Variants in UBASH3B observed in about 807,000 individuals in gnomAD.
The protein encoded by UBASH3B is ubiquitin associated and SH3 domain containing B.
A neutral mutation model predicts 83.4 loss-of-function variants in UBASH3B; 37 were observed. That is an observed-to-expected ratio of 0.44 (90% CI 0.34 to 0.58). The LOEUF is 0.58. UBASH3B is among the 20% of genes least tolerant of loss of function. The pLI is 0.01. For missense variants in UBASH3B, 657 were observed against 827.2 expected, an observed-to-expected ratio of 0.79 and a Z score of 2.52; for synonymous variants, 304 against 318.3, an observed-to-expected ratio of 0.96 and a Z score of 0.48.
At chr11:122,777,684 A>G (rs1327747282) in intron 3 of UBASH3B, among the ~76,000 whole-genome samples, 2 of 152,024 alleles carry the variant, frequency 1.3e-5, no homozygotes, top group Non-Finnish European at 2.9e-5. Flanking sequence ...ATTGTTACCT[A>G]GTGTATAATC....
intron 6 of UBASH3B, among the ~76,000 whole-genome samples, chr11:122,793,188 G>C (rs1224352848): frequency 6.6e-6 from 1 of 152,164 alleles, no homozygotes; most frequent in African/African-American, 2.4e-5. Context: ...TTTGAGACCA[G>C]CCTGGCCAAC....
intron 1 of UBASH3B, among the ~76,000 whole-genome samples, chr11:122,661,642 T>A (rs1000922559): frequency 7.2e-5 from 11 of 152,208 alleles, no homozygotes; most frequent in African/African-American, 2.7e-4. Flanking sequence ...TATTATACAC[T>A]GTAAAAATTG....
At chr11:122,656,255 G>T in intron 1 of UBASH3B, 45 bp downstream of exon 1, 1 of 1,354,444 alleles carries the variant, frequency 7.4e-7, no homozygotes. Flanking sequence ...TCCCGCGCGC[G>T]CGGCCGGCCC....
chr11:122,675,776 A>G (rs1003426524), intron 1 of UBASH3B, among the ~76,000 whole-genome samples: 2 of 152,144 alleles, frequency 1.3e-5, no homozygotes. Context: ...ATCACAAAAC[A>G]AGGAGGCACC....
At position 122,798,990 on chromosome 11, in the gene UBASH3B, C is replaced by G. The variant is rs1215389021; in HGVS notation, c.1406C>G (p.Ser469Cys). 1 of 1,614,052 alleles carries G rather than the reference C, an allele frequency of 6.2e-7. No homozygotes were observed. Among genetic ancestry groups the G allele is most frequent in the Non-Finnish European group, 8.5e-7 (1 of 1,179,984 alleles). ...ACCATTATCGATCATGTCTATTGCTCCCCGTCCCTTCGCTGCGTTCAGACT... is the reference window on the plus strand; with the variant it reads ...ACCATTATCGATCATGTCTATTGCTGCCCGTCCCTTCGCTGCGTTCAGACT... Reference protein sequence around the residue: ...SNTIIDHVYCSPSLRCVQTAH... With the variant: ...SNTIIDHVYCCPSLRCVQTAH... Residue 469 changes from serine (S) to cysteine (C), a missense_variant, in exon 10 of 14, where the codon TCC becomes TGC. Coordinates refer to ENST00000284273, the MANE Select transcript of UBASH3B (RefSeq NM_032873.5).
At chr11:122,730,558 T>G (rs1860825479) in intron 1 of UBASH3B, among the ~76,000 whole-genome samples, 2 of 151,992 alleles carry the variant, frequency 1.3e-5, no homozygotes, top group Admixed American at 1.3e-4. Context: ...TGAGCTTGCC[T>G]TCTCAGCCCG....
At chr11:122,727,769 G>A (rs77095593) in intron 1 of UBASH3B, among the ~76,000 whole-genome samples, 4,863 of 152,252 alleles carry the variant, frequency 0.032, 102 homozygotes, top group Non-Finnish European at 0.048. Flanking sequence ...TTGGCAATGC[G>A]GAACTCAGTT....
intron 1 of UBASH3B, among the ~76,000 whole-genome samples, chr11:122,748,809 C>T (rs573592023): frequency 2.6e-5 from 4 of 152,346 alleles, no homozygotes; most frequent in Non-Finnish European, 1.5e-5. Flanking sequence ...CTTGCACACG[C>T]TTGTGCTTAA....
intron 1 of UBASH3B, among the ~76,000 whole-genome samples, chr11:122,737,107 C>T (rs1860945622): frequency 6.6e-6 from 1 of 152,000 alleles, no homozygotes. Flanking sequence ...AAGAGGGTAG[C>T]CTAAAGTAAA....
chr11:122,661,157 T>C (rs1281117444), intron 1 of UBASH3B, among the ~76,000 whole-genome samples: 1 of 152,218 alleles, frequency 6.6e-6, no homozygotes, highest in African/African-American at 2.4e-5. Context: ...ACGTGTATTA[T>C]TGGATTGTCC....
chr11:122,789,005 T>C (rs1861003944), intron 5 of UBASH3B, 95 bp from the exon 6 acceptor site: 6 of 1,142,280 alleles, frequency 5.3e-6, no homozygotes, highest in Admixed American at 1.9e-5. Context: ...CCTCTGGAGG[T>C]GTGCAGTATT....
chr11:122,703,299 T>C (rs969588616), intron 1 of UBASH3B, among the ~76,000 whole-genome samples: 13 of 151,870 alleles, frequency 8.6e-5, no homozygotes, highest in Admixed American at 5.9e-4. Flanking sequence ...TGGTGGTGGG[T>C]GCCTGTAGTC....
chr11:122,785,613 A>T (rs1860934257), intron 5 of UBASH3B, among the ~76,000 whole-genome samples: 1 of 152,232 alleles, frequency 6.6e-6, no homozygotes, highest in African/African-American at 2.4e-5. Context: ...AACCGATAGA[A>T]ATCCAGAGGA....
chr11:122,655,987 CCCT>C lies in UBASH3B; in HGVS notation c.-56_-54del, dbSNP rs1863353531. The C allele has an allele frequency of 8.5e-6, 12 of 1,416,936 alleles. No individual in the cohort carries two copies. The highest frequency in any genetic ancestry group is 2.9e-5 in the South Asian group (2 of 68,658). The allele number at this position is 1,416,936 out of a possible 1,614,324, so 87.8% of individuals were successfully genotyped here. A position where few individuals can be genotyped will look rare whatever the true frequency, so the allele number is the denominator to read the frequency against. On this transcript the variant is annotated 5_prime_UTR_variant, in exon 1 of 14. Transcript: ENST00000284273. ...CCCCCTCCCCTGGCCCAGCCCGACT[CCCT>C]CCTCCTTCCCGAACCATCCGGCTCG...
intron 1 of UBASH3B, among the ~76,000 whole-genome samples, chr11:122,697,655 C>G (rs1198780189): frequency 6.6e-6 from 1 of 152,192 alleles, no homozygotes; most frequent in Non-Finnish European, 1.5e-5. Flanking sequence ...TTTCCATCTT[C>G]TTGTCCAATG....
chr11:122,807,466 A>T (rs1861361410), intron 12 of UBASH3B, among the ~76,000 whole-genome samples: 1 of 152,190 alleles, frequency 6.6e-6, no homozygotes, highest in Admixed American at 6.5e-5. Context: ...GTAAGATGTT[A>T]CCATTGGAGG....
At chr11:122,739,489 A>G (rs767730187) in intron 1 of UBASH3B, among the ~76,000 whole-genome samples, 3 of 152,204 alleles carry the variant, frequency 2.0e-5, no homozygotes, top group Non-Finnish European at 2.9e-5. Context: ...AGTACCTACT[A>G]TAGTGCTTGG....
chr11:122,752,040 G>A (rs1861207707), intron 1 of UBASH3B, among the ~76,000 whole-genome samples: 1 of 152,078 alleles, frequency 6.6e-6, no homozygotes, highest in Non-Finnish European at 1.5e-5. Flanking sequence ...ATAAACAAAA[G>A]GTATTTGAAA....
rs1284120611 is a variant in UBASH3B, at chr11:122,811,931, T to G, written c.*2045T>G. The G allele has an allele frequency of 6.6e-6, 1 of 152,224 alleles. No homozygotes were observed. Among genetic ancestry groups the G allele is most frequent in the Non-Finnish European group, 1.5e-5 (1 of 68,040 alleles). The allele number at this position is 152,224 out of a possible 1,614,324, so 9.4% of individuals were successfully genotyped here. The stretch of plus-strand genomic sequence containing the variant: ...TCTTTAACAGATTCACCACAAATTT[T>G]CATGGGCGTTGAGTGCTCAGAATAA... On this transcript the variant is annotated 3_prime_UTR_variant, in exon 14 of 14. Transcript: ENST00000284273.
Sources: allele counts gnomAD v4.1 joint callset (sites outside exome capture counted in the v4.1 genomes callset), GRCh38; gene constraint gnomAD v4.1.1; transcripts MANE v1.5; gene names NCBI Gene and HGNC (gene_info 2026-07-23, HGNC 2026-07-21).